RBFOX2: variants seen among roughly 807,000 people sequenced by gnomAD.
RBFOX2 encodes the protein RNA binding protein fox-1 homolog 2.
Under a neutral mutation model 49.1 loss-of-function variants are expected in RBFOX2, and 10 were observed. The observed-to-expected ratio is 0.20, with a 90% CI of 0.13 to 0.35. The LOEUF is 0.35. Ranked by LOEUF, RBFOX2 falls within the 10% of genes least tolerant of loss-of-function variation. RBFOX2 has a pLI of 1.00. For missense variants in RBFOX2, 323 were observed against 486.9 expected (o/e 0.66, Z 3.17); for synonymous variants, 183 against 187.4 (o/e 0.98, Z 0.19).
At chr22:35,925,559 G>A (rs2051530599) in intron 1 of RBFOX2, among the ~76,000 whole-genome samples, 1 of 152,098 alleles carries the variant, frequency 6.6e-6, no homozygotes, top group Non-Finnish European at 1.5e-5. Flanking sequence ...ATGTGCCCTG[G>A]GACACTGAGT....
At chr22:35,884,128 G>C (rs912367911) in intron 1 of RBFOX2, among the ~76,000 whole-genome samples, 1 of 147,748 alleles carries the variant, frequency 6.8e-6, no homozygotes, top group Admixed American at 6.9e-5. Context: ...CTCCCAAGTA[G>C]CTGGACTACA....
At chr22:35,857,024 T>C (rs1221527441) in intron 1 of RBFOX2, among the ~76,000 whole-genome samples, 1 of 152,144 alleles carries the variant, frequency 6.6e-6, no homozygotes, top group African/African-American at 2.4e-5. Context: ...AGAGCGAGAC[T>C]CCGTCTCCAA....
Position 35,840,468 on chromosome 22 carries a change from G to GC in RBFOX2, c.-251dup. ...TATCTCAGGCAGATGGCTGAAGGAA[G>GC]CCCCACCCCTGAATGCCTAAGGTAA... On this transcript the variant is annotated 5_prime_UTR_variant, in exon 1 of 12. Coordinates refer to ENST00000405409, the Ensembl canonical transcript of RBFOX2. 2.9e-6 allele frequency: 4 copies of GC among 1,402,386 alleles called. No individual in the cohort carries two copies. In the South Asian group the frequency reaches 6.5e-5, roughly 23 times the overall value. The allele number at this position is 1,402,386 out of a possible 1,614,324, so 86.9% of individuals were successfully genotyped here. A position where few individuals can be genotyped will look rare whatever the true frequency, so the allele number is the denominator to read the frequency against.
chr22:35,871,859 C>A (rs751232482), intron 1 of RBFOX2, among the ~76,000 whole-genome samples: 7 of 152,082 alleles, frequency 4.6e-5, no homozygotes, highest in Non-Finnish European at 1.0e-4. Context: ...AATGAGGTAT[C>A]GAATTATTTG....
At chr22:36,028,123 C>T (rs1202326943) in intron 1 of RBFOX2, 117 bp downstream of exon 1, 2 of 1,303,952 alleles carry the variant, frequency 1.5e-6, no homozygotes, top group Middle Eastern at 2.9e-4. Context: ...AATGGCCCCC[C>T]ATCCCACCTC....
chr22:35,778,878 C>T (rs140270121), intron 3 of RBFOX2, among the ~76,000 whole-genome samples: 17 of 152,270 alleles, frequency 1.1e-4, no homozygotes, highest in African/African-American at 4.1e-4. Context: ...TTCATGTGAT[C>T]TGCCTGCCTC....
At chr22:35,887,819 C>T (rs966033556) in intron 1 of RBFOX2, among the ~76,000 whole-genome samples, 1 of 152,154 alleles carries the variant, frequency 6.6e-6, no homozygotes, top group African/African-American at 2.4e-5. Flanking sequence ...AGCCATTCAC[C>T]TAGCATCATA....
chr22:35,814,710 CAAAAAAAAAAA>C (rs55971445), intron 1 of RBFOX2, among the ~76,000 whole-genome samples: 11 of 31,028 alleles, frequency 3.5e-4, no homozygotes, highest in African/African-American at 8.0e-4. Context: ...AACCCTGTCT[CAAAAAAAAAAA>C]AAAAAAAAAA....
chr22:35,784,775 C>T (rs1318945350), intron 2 of RBFOX2, among the ~76,000 whole-genome samples: 1 of 152,170 alleles, frequency 6.6e-6, no homozygotes, highest in African/African-American at 2.4e-5. Context: ...TGGGCTTTTG[C>T]CCCGGGAGGC....
chr22:35,891,930 C>T (rs991870215), intron 1 of RBFOX2, among the ~76,000 whole-genome samples: 4 of 151,640 alleles, frequency 2.6e-5, no homozygotes, highest in Admixed American at 1.3e-4. Flanking sequence ...TCCCGAGCCA[C>T]GAGTACTTAA....
intron 2 of RBFOX2, among the ~76,000 whole-genome samples, chr22:35,795,161 G>A (rs1948541065): frequency 6.6e-6 from 1 of 151,730 alleles, no homozygotes; most frequent in Non-Finnish European, 1.5e-5. Context: ...GGAGCTAAAG[G>A]ACAGATGTAA....
chr22:35,840,171 C>T, intron 1 of RBFOX2: 1 of 1,612,866 alleles, frequency 6.2e-7, no homozygotes, highest in East Asian at 2.2e-5. Context: ...AAGAAACATG[C>T]CGAGGAAGCA....
chr22:35,863,009 T>C (rs1253806280), intron 1 of RBFOX2, among the ~76,000 whole-genome samples: 2 of 152,130 alleles, frequency 1.3e-5, no homozygotes, highest in East Asian at 3.8e-4. Flanking sequence ...TAAATCTATA[T>C]CTGAGGAATA....
At chr22:35,831,147 TTTAAATAG>T (rs1300032036) in intron 1 of RBFOX2, among the ~76,000 whole-genome samples, 1 of 152,200 alleles carries the variant, frequency 6.6e-6, no homozygotes, top group Non-Finnish European at 1.5e-5. Context: ...GTTTTACGTT[TTTAAATAG>T]TTAAGAGGCC....
chr22:35,919,329 G>C (rs1459030558), intron 1 of RBFOX2, among the ~76,000 whole-genome samples: 1 of 152,184 alleles, frequency 6.6e-6, no homozygotes, highest in Non-Finnish European at 1.5e-5. Context: ...CTTGAGGTCA[G>C]GAGTTCAAGG....
rs114688797 is a variant in RBFOX2, at chr22:35,946,176, T to C, written c.43-7279A>G. Among the ~76,000 whole-genome samples, 533 of 152,272 alleles carry C rather than the reference T, an allele frequency of 3.5e-3. 1 individual carries two copies. Among genetic ancestry groups the C allele is most frequent in the African/African-American group, 0.011 (473 of 41,546 alleles). On this transcript the variant is annotated intron_variant, in intron 1 of 5. Coordinates refer to the RBFOX2 transcript ENST00000408983. ...CCCTTTTCTTTACAGGTGAGGAAGCTGAGACTTAGAGAAGTGCCTTGCCCA... is the reference window on the plus strand; with the variant it reads ...CCCTTTTCTTTACAGGTGAGGAAGCCGAGACTTAGAGAAGTGCCTTGCCCA...
rs115054237 is a variant in RBFOX2 at position 35,900,913 on chromosome 22, G to A, written c.-34+37934C>T. 6.4e-3 allele frequency among the ~76,000 whole-genome samples: 969 copies of A among 152,320 alleles called. 9 individuals carry two copies. The highest frequency in any genetic ancestry group is 0.022 in the African/African-American group (913 of 41,554). On this transcript the variant is annotated intron_variant, in intron 1 of 13. Transcript: ENST00000359369. ...GCAGTAGCGACTCATGGGAGAAGGC[G>A]TAGATATGGCTGCCACTTTCCAGTT...
intron 1 of RBFOX2, among the ~76,000 whole-genome samples, chr22:35,831,965 G>A (rs1277271079): frequency 6.6e-6 from 1 of 152,206 alleles, no homozygotes; most frequent in African/African-American, 2.4e-5. Context: ...ATGCTTTATA[G>A]TGGAGAGAAA....
intron 1 of RBFOX2, among the ~76,000 whole-genome samples, chr22:36,026,023 G>A (rs761152880): frequency 3.9e-5 from 6 of 152,270 alleles, no homozygotes; most frequent in Middle Eastern, 3.4e-3. Context: ...CCAACATTTT[G>A]GGAGGCTGAG....
Sources: gnomAD v4.1 joint callset for allele counts (sites outside exome capture counted in the v4.1 genomes callset) on GRCh38, gnomAD v4.1.1 for gene constraint, MANE v1.5 for transcripts, NCBI Gene and HGNC (gene_info 2026-07-23, HGNC 2026-07-21) for gene names.